SYNPR: variants seen among roughly 807,000 people sequenced by gnomAD.
The protein encoded by SYNPR is synaptoporin.
SYNPR carries 23 observed loss-of-function variants against 32.9 expected under a neutral mutation model. The observed-to-expected ratio is 0.70, with a 90% confidence interval of 0.50 to 0.99. The LOEUF (loss-of-function observed/expected upper bound fraction) is 0.99. Ranked by LOEUF, SYNPR falls within the 50% of genes least tolerant of loss-of-function variation. SYNPR has a pLI of 0.00. For missense variants in SYNPR, 318 were observed against 349.3 expected (o/e 0.91, Z 0.71); for synonymous variants, 146 against 135.9 (o/e 1.07, Z -0.52).
chr3:63,425,979 G>A (rs1699886206), intron 2 of SYNPR, among the ~76,000 whole-genome samples: 1 of 151,878 alleles, frequency 6.6e-6, no homozygotes, highest in South Asian at 2.1e-4. Context: ...TAGAAATGGG[G>A]TTTCACTATA....
At chr3:63,376,115 T>C (rs951847432) in intron 2 of SYNPR, among the ~76,000 whole-genome samples, 1 of 152,176 alleles carries the variant, frequency 6.6e-6, no homozygotes, top group Non-Finnish European at 1.5e-5. Context: ...CTGAAATCCA[T>C]CTATTTCTCT....
At chr3:63,565,884 T>C (rs1308517646) in intron 4 of SYNPR, among the ~76,000 whole-genome samples, 1 of 152,194 alleles carries the variant, frequency 6.6e-6, no homozygotes, top group Non-Finnish European at 1.5e-5. Context: ...CTGCTAGCTT[T>C]TGGCTGTCAT....
chr3:63,318,132 C>A (rs1165786184), intron 2 of SYNPR, among the ~76,000 whole-genome samples: 1 of 152,058 alleles, frequency 6.6e-6, no homozygotes, highest in Non-Finnish European at 1.5e-5. Context: ...TGCTGTTAAT[C>A]TGATAGGTTT....
chr3:63,375,266 G>A (rs551995793), intron 2 of SYNPR, among the ~76,000 whole-genome samples: 19 of 152,200 alleles, frequency 1.2e-4, no homozygotes, highest in African/African-American at 4.3e-4. Flanking sequence ...AAAGACACAT[G>A]CACACGTATG....
intron 2 of SYNPR, among the ~76,000 whole-genome samples, chr3:63,398,972 G>C (rs1284238223): frequency 2.0e-5 from 3 of 152,272 alleles, no homozygotes; most frequent in Admixed American, 1.3e-4. Flanking sequence ...CAGAAGGACA[G>C]TTACTGAAAA....
chr3:63,587,699 T>C (rs768755771), intron 4 of SYNPR, among the ~76,000 whole-genome samples: 2 of 152,054 alleles, frequency 1.3e-5, no homozygotes, highest in Non-Finnish European at 2.9e-5. Context: ...TATTTATTGA[T>C]TATTGTTTTG....
intron 2 of SYNPR, among the ~76,000 whole-genome samples, chr3:63,460,879 C>T (rs1472724163): frequency 6.6e-6 from 1 of 152,014 alleles, no homozygotes; most frequent in Non-Finnish European, 1.5e-5. Flanking sequence ...CTGACAAGAC[C>T]ACCACTCTGG....
intron 4 of SYNPR, among the ~76,000 whole-genome samples, chr3:63,578,986 A>G (rs572524579): frequency 6.6e-6 from 1 of 152,066 alleles, no homozygotes; most frequent in South Asian, 2.1e-4. Flanking sequence ...CAAATCCCCC[A>G]CTAAACTCCA....
chr3:63,290,109 G>A (rs1202241532), intron 2 of SYNPR, among the ~76,000 whole-genome samples: 1 of 141,552 alleles, frequency 7.1e-6, no homozygotes, highest in Non-Finnish European at 1.5e-5. Context: ...CAGCCTGGGT[G>A]ACACAGCAAG....
In SYNPR at chr3:63,443,286, T is replaced by C. The variant is rs1372493555; in HGVS notation, c.85-37546T>C. ...AAGCTGCTATCTGATTGGTATAACA[T>C]CTCACTTTCCCTCTGCATTGATTTT... On this transcript the variant is annotated intron_variant, in intron 2 of 5. Transcript: ENST00000478300. 5 of 1,468,648 alleles carry C rather than the reference T, an allele frequency of 3.4e-6. No homozygotes were observed. In the South Asian group the frequency reaches 4.3e-5, roughly 13 times the overall value. 91.0% of individuals were successfully genotyped at this position (1,468,648 alleles called of 1,614,324 possible). A position where few individuals can be genotyped will look rare whatever the true frequency, so the allele number is the denominator to read the frequency against.
intron 2 of SYNPR, among the ~76,000 whole-genome samples, chr3:63,408,334 A>C (rs1397859279): frequency 7.1e-6 from 1 of 140,702 alleles, no homozygotes; most frequent in Non-Finnish European, 1.5e-5. Flanking sequence ...GAAAGAAAGA[A>C]AGAAAGAAAG....
chr3:63,351,243 G>A (rs1389781687), intron 2 of SYNPR, among the ~76,000 whole-genome samples: 2 of 152,176 alleles, frequency 1.3e-5, no homozygotes, highest in Non-Finnish European at 2.9e-5. Context: ...TTGTTGTTGT[G>A]TTGCTCTTTT....
chr3:63,545,458 C>T (rs1702383463), intron 3 of SYNPR: 1 of 152,118 alleles, frequency 6.6e-6, no homozygotes, highest in Non-Finnish European at 1.5e-5. Context: ...CCATACCACC[C>T]TGAACACGCC....
intron 3 of SYNPR, among the ~76,000 whole-genome samples, chr3:63,541,150 G>A (rs1029540759): frequency 7.3e-5 from 11 of 151,214 alleles, no homozygotes; most frequent in Admixed American, 1.3e-4. Context: ...TTTGCCCACC[G>A]CAGAGAGAAA....
At chr3:63,499,196 T>C (rs1012768621) in intron 3 of SYNPR, among the ~76,000 whole-genome samples, 3 of 151,992 alleles carry the variant, frequency 2.0e-5, no homozygotes, top group Non-Finnish European at 2.9e-5. Context: ...GTATAATCCA[T>C]AGAACTGGCT....
chr3:63,426,619 T>A (rs1699896826), intron 2 of SYNPR: 1 of 152,158 alleles, frequency 6.6e-6, no homozygotes, highest in Non-Finnish European at 1.5e-5. Flanking sequence ...GCGGTGATCT[T>A]CACTTAGCAG....
At chr3:63,599,261 T>G (rs1021966387) in intron 4 of SYNPR, among the ~76,000 whole-genome samples, 2 of 152,200 alleles carry the variant, frequency 1.3e-5, no homozygotes, top group Non-Finnish European at 2.9e-5. Flanking sequence ...TGTAGTCTAA[T>G]CATACAGAAT....
intron 2 of SYNPR, among the ~76,000 whole-genome samples, chr3:63,397,606 G>A (rs2088232978): frequency 6.6e-6 from 1 of 152,154 alleles, no homozygotes; most frequent in African/African-American, 2.4e-5. Context: ...TCGCTCTGAA[G>A]TTCTGTGATA....
intron 2 of SYNPR, among the ~76,000 whole-genome samples, chr3:63,354,197 T>C (rs185427220): frequency 6.6e-6 from 1 of 152,298 alleles, no homozygotes; most frequent in African/African-American, 2.4e-5. Context: ...ATCAAAACAA[T>C]GATCATTTGC....
Sources: allele counts gnomAD v4.1 joint callset (sites outside exome capture counted in the v4.1 genomes callset), GRCh38; gene constraint gnomAD v4.1.1; transcripts MANE v1.5; gene names NCBI Gene and HGNC (gene_info 2026-07-23, HGNC 2026-07-21).